ZFPM2: variants seen among roughly 807,000 people sequenced by gnomAD.
The protein encoded by ZFPM2 is zinc finger protein, FOG family member 2, also known as zinc finger protein ZFPM2.
A neutral mutation model predicts 98.6 loss-of-function variants in ZFPM2; 20 were observed. The observed-to-expected ratio is 0.20, with a 90% CI of 0.14 to 0.29. ZFPM2 has a LOEUF of 0.29. ZFPM2 is among the 10% of genes least tolerant of loss of function. The probability of loss-of-function intolerance (pLI) is 1.00; values close to 1 mark genes in which losing one functional copy is unlikely to be tolerated. For missense variants in ZFPM2, 1,310 were observed against 1,388.6 expected (o/e 0.94, Z 0.90); for synonymous variants, 518 against 502.7 (o/e 1.03, Z -0.41).
chr8:105,580,823 C>CTATATATATATATA (rs1458179596), intron 4 of ZFPM2, among the ~76,000 whole-genome samples: 7 of 129,292 alleles, frequency 5.4e-5, no homozygotes, highest in African/African-American at 2.1e-4. Context: ...CTCTCTCTCT[C>CTATATATATATATA]TCTCTATATA....
intron 4 of ZFPM2, among the ~76,000 whole-genome samples, chr8:105,607,725 C>T (rs1816223598): frequency 1.3e-5 from 2 of 152,102 alleles, no homozygotes; most frequent in South Asian, 2.1e-4. Flanking sequence ...CATGTTCACT[C>T]TCCTGTGTGT....
At chr8:105,452,272 T>C (rs1375158905) in intron 3 of ZFPM2, among the ~76,000 whole-genome samples, 1 of 152,098 alleles carries the variant, frequency 6.6e-6, no homozygotes, top group Non-Finnish European at 1.5e-5. Context: ...TTCTATGGTT[T>C]GAATAACCAC....
At chr8:105,615,893 A>G (rs1816404537) in intron 4 of ZFPM2, among the ~76,000 whole-genome samples, 1 of 152,162 alleles carries the variant, frequency 6.6e-6, no homozygotes, top group African/African-American at 2.4e-5. Flanking sequence ...AGCGTGAAAT[A>G]GGAACTACTT....
chr8:105,396,418 C>T (rs1472500158), intron 1 of ZFPM2, among the ~76,000 whole-genome samples: 1 of 152,096 alleles, frequency 6.6e-6, no homozygotes, highest in Non-Finnish European at 1.5e-5. Flanking sequence ...CAGTGTGATT[C>T]CTTGACATGG....
Position 105,605,326 on chromosome 8 carries a change from T to A in ZFPM2, c.421-28920T>A, listed in dbSNP as rs568313344. ...TTAATAATTACTTCAAGAGATTTTT[T>A]TTGAAAACAAAGTAATACACATTTA... is the stretch of plus-strand genomic sequence containing the variant. On this transcript the variant is annotated intron_variant, in intron 4 of 7. Coordinates refer to ENST00000407775, the MANE Select transcript of ZFPM2 (RefSeq NM_012082.4). Among the ~76,000 whole-genome samples the A allele has an allele frequency of 3.9e-5, 6 of 152,238 alleles. No individual in the cohort carries two copies. In the East Asian group the frequency reaches 1.2e-3, roughly 29 times the overall value.
At chr8:105,379,336 T>C (rs1810794116) in intron 1 of ZFPM2, among the ~76,000 whole-genome samples, 1 of 152,198 alleles carries the variant, frequency 6.6e-6, no homozygotes, top group Non-Finnish European at 1.5e-5. Flanking sequence ...AAAAACTTCA[T>C]CAATAATTGG....
At chr8:105,695,066 G>A (rs187820262) in intron 5 of ZFPM2, among the ~76,000 whole-genome samples, 36 of 152,114 alleles carry the variant, frequency 2.4e-4, no homozygotes, top group African/African-American at 8.0e-4. Flanking sequence ...ATTTGAATCC[G>A]GATCTATCTG....
intron 5 of ZFPM2, among the ~76,000 whole-genome samples, chr8:105,748,382 G>A (rs140859109): frequency 5.4e-4 from 82 of 152,112 alleles, no homozygotes; most frequent in African/African-American, 1.9e-3. Flanking sequence ...TTAAATATTA[G>A]GCTAAGGTTT....
At chr8:105,452,638 G>A (rs1046342942) in intron 3 of ZFPM2, among the ~76,000 whole-genome samples, 4 of 151,976 alleles carry the variant, frequency 2.6e-5, no homozygotes, top group African/African-American at 7.3e-5. Flanking sequence ...TGTGGTCCAA[G>A]CTACTTGGGA....
intron 5 of ZFPM2, among the ~76,000 whole-genome samples, chr8:105,753,740 G>A (rs1484209401): frequency 6.6e-6 from 1 of 152,068 alleles, no homozygotes; most frequent in Non-Finnish European, 1.5e-5. Context: ...GCATAATAAT[G>A]TAACAATGCA....
In ZFPM2 at chr8:105,789,257, C is replaced by T. The variant is rs1210448348; in HGVS notation, c.739+333C>T. On this transcript the variant is annotated intron_variant, in intron 6 of 7. Coordinates refer to ENST00000407775, the MANE Select transcript of ZFPM2 (RefSeq NM_012082.4). ...CCGCTCCCCCCACCCCACAACAGTC[C>T]CCAGAGTGTGATGTTCCCCTTCCTG... 5.9e-5 allele frequency among the ~76,000 whole-genome samples: 9 copies of T among 152,126 alleles called. No individual in the cohort carries two copies. The South Asian group carries it at 8.3e-4, about 14-fold the overall frequency.
At chr8:105,408,677 T>C (rs1263037928) in intron 1 of ZFPM2, among the ~76,000 whole-genome samples, 2 of 151,628 alleles carry the variant, frequency 1.3e-5, no homozygotes, top group African/African-American at 4.9e-5. Flanking sequence ...TTGTTTTATG[T>C]GAGGATTTTT....
chr8:105,714,329 T>G (rs1395437412), intron 5 of ZFPM2, among the ~76,000 whole-genome samples: 1 of 152,032 alleles, frequency 6.6e-6, no homozygotes, highest in Non-Finnish European at 1.5e-5. Context: ...TCCTGAAACT[T>G]TACTGAAGTC....
intron 4 of ZFPM2, among the ~76,000 whole-genome samples, chr8:105,584,339 T>C (rs1011619383): frequency 1.3e-5 from 2 of 152,144 alleles, no homozygotes; most frequent in Non-Finnish European, 2.9e-5. Flanking sequence ...CACAACAAAG[T>C]ATATCCTATG....
chr8:105,759,668 C>T (rs571365406), intron 5 of ZFPM2, among the ~76,000 whole-genome samples: 2 of 150,514 alleles, frequency 1.3e-5, no homozygotes, highest in African/African-American at 4.9e-5. Context: ...GGTTAAGGAA[C>T]TTGACTTTAT....
intron 5 of ZFPM2, among the ~76,000 whole-genome samples, chr8:105,707,313 A>G (rs549685337): frequency 6.6e-6 from 1 of 152,190 alleles, no homozygotes; most frequent in South Asian, 2.1e-4. Flanking sequence ...CTTCTACTTT[A>G]TCAGGTGAGG....
intron 6 of ZFPM2, among the ~76,000 whole-genome samples, chr8:105,793,445 C>T (rs551205150): frequency 8.5e-4 from 130 of 152,142 alleles, no homozygotes; most frequent in African/African-American, 2.3e-3. Flanking sequence ...GAGTTTCTGC[C>T]GAGAGATCCG....
chr8:105,397,442 CA>C (rs1811245449), intron 1 of ZFPM2, among the ~76,000 whole-genome samples: 1 of 152,016 alleles, frequency 6.6e-6, no homozygotes, highest in South Asian at 2.1e-4. Flanking sequence ...TTTTGTTGAT[CA>C]CTGTTTAAAT....
At chr8:105,795,246 T>TTG (rs780534248) in intron 6 of ZFPM2, among the ~76,000 whole-genome samples, 37,132 of 138,010 alleles carry the variant, frequency 0.27, 4,964 homozygotes, top group Non-Finnish European at 0.31. Context: ...CATTTTATCT[T>TTG]TGTGTGTGTG....
Sources: gnomAD v4.1 joint callset for allele counts (sites outside exome capture counted in the v4.1 genomes callset) on GRCh38, gnomAD v4.1.1 for gene constraint, MANE v1.5 for transcripts, NCBI Gene and HGNC (gene_info 2026-07-23, HGNC 2026-07-21) for gene names.